The following IGFL2 variants were observed in gnomAD, a reference collection of about 807,000 sequenced individuals.
IGFL2 encodes the protein IGF like family member 2.
A neutral mutation model predicts 13.9 loss-of-function variants in IGFL2; 7 were observed. The ratio of observed to expected loss-of-function variants is 0.51; its 90% confidence interval spans 0.29 to 0.95. The LOEUF (loss-of-function observed/expected upper bound fraction) is 0.95, where lower values mean the gene tolerates loss of function less well. Ranked by LOEUF, IGFL2 falls within the 40% of genes least tolerant of loss-of-function variation. The pLI, the probability that IGFL2 is intolerant of heterozygous loss-of-function variation, is 0.08. For missense variants in IGFL2, 138 were observed against 147.8 expected, an observed-to-expected ratio of 0.93 and a Z score of 0.34; for synonymous variants, 55 against 55.8, an observed-to-expected ratio of 0.99 and a Z score of 0.07.
chr19:46,114,988 A>G, the IGFL2 span, among the ~76,000 whole-genome samples: 8 of 152,294 alleles, frequency 5.3e-5, no homozygotes, highest in Non-Finnish European at 1.2e-4. Flanking sequence ...ATTGAGGACC[A>G]GTGTCCTAGA....
chr19:46,201,320 G>T, the IGFL2 span, among the ~76,000 whole-genome samples: 1 of 152,230 alleles, frequency 6.6e-6, no homozygotes, highest in Non-Finnish European at 1.5e-5. Flanking sequence ...AGTTCTCCAA[G>T]GGCCCATAAA....
chr19:46,119,108 C>A, the IGFL2 span, among the ~76,000 whole-genome samples: 1 of 152,156 alleles, frequency 6.6e-6, no homozygotes, highest in Non-Finnish European at 1.5e-5. Context: ...GTGCCCCGCC[C>A]TCCAGGTGAG....
chr19:46,172,559 C>T, the IGFL2 span, among the ~76,000 whole-genome samples: 1 of 152,132 alleles, frequency 6.6e-6, no homozygotes, highest in African/African-American at 2.4e-5. Context: ...TCAAATGAGC[C>T]TCCCACCTCA....
the IGFL2 span, among the ~76,000 whole-genome samples, chr19:46,120,749 G>A: frequency 6.6e-6 from 1 of 151,022 alleles, no homozygotes; most frequent in East Asian, 2.0e-4. Context: ...TTTGGTTATT[G>A]CATAGCATGA....
At chr19:46,178,345 TCAACCTGACTGTCTTATAA>T in the IGFL2 span, among the ~76,000 whole-genome samples, 2,103 of 152,242 alleles carry the variant, frequency 0.014, 51 homozygotes, top group African/African-American at 0.047. Context: ...ATACCAAATT[TCAACCTGACTGTCTTATAA>T]CATCACACTA....
At chr19:46,100,420 A>G in the IGFL2 span, among the ~76,000 whole-genome samples, 7 of 152,194 alleles carry the variant, frequency 4.6e-5, no homozygotes, top group African/African-American at 1.4e-4. Context: ...TTAAAGGGGA[A>G]AGGGTGGGAT....
chr19:46,087,831 A>G, the IGFL2 span, among the ~76,000 whole-genome samples: 4 of 152,300 alleles, frequency 2.6e-5, no homozygotes, highest in East Asian at 7.7e-4. Flanking sequence ...CTCCAGGGAT[A>G]TCGGGATGTG....
the IGFL2 span, among the ~76,000 whole-genome samples, chr19:46,129,267 A>G: frequency 1.6e-5 from 2 of 126,430 alleles, no homozygotes; most frequent in Non-Finnish European, 3.4e-5. Context: ...CTATTTTATT[A>G]ATTTTTTTCA....
At chr19:46,159,407 T>C (rs1974012336) in intron 1 of IGFL2, 1 of 152,300 alleles carries the variant, frequency 6.6e-6, no homozygotes. Context: ...AGCCACAACA[T>C]GGAGTAGGAC....
the IGFL2 span, among the ~76,000 whole-genome samples, chr19:46,175,190 T>A: frequency 6.6e-6 from 1 of 152,190 alleles, no homozygotes; most frequent in Admixed American, 6.5e-5. Flanking sequence ...ATCCAAAATA[T>A]TACCCTAATT....
At chr19:46,200,127 C>T in the IGFL2 span, among the ~76,000 whole-genome samples, 2 of 152,238 alleles carry the variant, frequency 1.3e-5, no homozygotes, top group South Asian at 2.1e-4. Flanking sequence ...GCTGGGATTA[C>T]AGGTGTGAGC....
the IGFL2 span, among the ~76,000 whole-genome samples, chr19:46,103,864 G>A: frequency 1.3e-5 from 2 of 152,150 alleles, no homozygotes; most frequent in African/African-American, 4.8e-5. Context: ...GAGTACTTGC[G>A]ACTTCCAGGA....
At chr19:46,128,086 A>G in the IGFL2 span, among the ~76,000 whole-genome samples, 1 of 152,146 alleles carries the variant, frequency 6.6e-6, no homozygotes, top group South Asian at 2.1e-4. Context: ...TTTTTGTGGC[A>G]ATTGTGAATG....
At chr19:46,203,721 G>A in the IGFL2 span, 3 of 152,280 alleles carry the variant, frequency 2.0e-5, no homozygotes, top group African/African-American at 7.2e-5. Flanking sequence ...TTTTGTTTTT[G>A]TTTTTGTTTT....
the IGFL2 span, among the ~76,000 whole-genome samples, chr19:46,083,824 G>C: frequency 6.6e-6 from 1 of 152,128 alleles, no homozygotes; most frequent in Admixed American, 6.5e-5. Context: ...CTTGGCTTCT[G>C]GGGTAGGCCC....
chr19:46,124,382 C>A, the IGFL2 span: 3 of 1,445,780 alleles, frequency 2.1e-6, no homozygotes, highest in African/African-American at 1.4e-5. Context: ...ATGGAAAAAA[C>A]AAACAAACAA....
At chr19:46,165,110 C>CA (rs1374242268), downstream of IGFL2, among the ~76,000 whole-genome samples, 1 of 152,214 alleles carries the variant, frequency 6.6e-6, no homozygotes, top group Non-Finnish European at 1.5e-5. Flanking sequence ...GACTGGTCCA[C>CA]AAAGGAGGAT....
chr19:46,158,084 C>T (rs2146875437), intron 1 of IGFL2, among the ~76,000 whole-genome samples: 1 of 152,188 alleles, frequency 6.6e-6, no homozygotes, highest in East Asian at 1.9e-4. Flanking sequence ...AAAACATGTA[C>T]AGGACTTATA....
At chr19:46,125,456 C>T in the IGFL2 span, among the ~76,000 whole-genome samples, 2 of 152,196 alleles carry the variant, frequency 1.3e-5, no homozygotes, top group Non-Finnish European at 2.9e-5. Context: ...GCCTGCCAGG[C>T]AAGTGCCAGC....
Sources: allele counts gnomAD v4.1 joint callset (sites outside exome capture counted in the v4.1 genomes callset), GRCh38; gene constraint gnomAD v4.1.1; transcripts MANE v1.5; gene names NCBI Gene and HGNC (gene_info 2026-07-23, HGNC 2026-07-21).